The following NLGN4X variants were observed in gnomAD, a reference collection of about 807,000 sequenced individuals.
NLGN4X encodes the protein neuroligin 4 X-linked, also known as neuroligin-4, X-linked.
A neutral mutation model predicts 40.3 loss-of-function variants in NLGN4X; 3 were observed. That is an observed-to-expected ratio of 0.07 (90% confidence interval 0.03 to 0.19). NLGN4X has a LOEUF of 0.19. NLGN4X is among the 10% of genes least tolerant of loss of function. The probability of loss-of-function intolerance (pLI) is 1.00; values close to 1 mark genes in which losing one functional copy is unlikely to be tolerated. For missense variants in NLGN4X, 382 were observed against 708.3 expected, an observed-to-expected ratio of 0.54 and a Z score of 5.23; for synonymous variants, 270 against 306.8, an observed-to-expected ratio of 0.88 and a Z score of 1.25.
At chrX:6,220,934 C>T (rs1033858720) in intron 1 of NLGN4X, among the ~76,000 whole-genome samples, 5 of 109,237 alleles carry the variant, frequency 4.6e-5, no homozygotes, top group Admixed American at 9.7e-5. Flanking sequence ...GACAGGATTT[C>T]GCCATGTTGG....
At chrX:6,012,005 C>A (rs1012240264) in intron 3 of NLGN4X, among the ~76,000 whole-genome samples, 33 of 111,637 alleles carry the variant, frequency 3.0e-4, no homozygotes, top group African/African-American at 1.0e-3. Flanking sequence ...TTGAATAAGA[C>A]CCTTTTTTAA....
At chrX:6,112,985 CAGT>C (rs2039188366) in intron 2 of NLGN4X, among the ~76,000 whole-genome samples, 1 of 110,422 alleles carries the variant, frequency 9.1e-6, no homozygotes, top group African/African-American at 3.3e-5. Context: ...CATAGCCCCC[CAGT>C]ATAACCATGA....
chrX:6,200,687 C>CTTTTTTTTTTTCTTTTTTTTTTTTTTT (rs1556005144), intron 1 of NLGN4X, among the ~76,000 whole-genome samples: 3 of 55,575 alleles, frequency 5.4e-5, no homozygotes, highest in Admixed American at 2.4e-4. Context: ...CTTTCCTTTT[C>CTTTTTTTTTTTCTTTTTTTTTTTTTTT]TTTTTTTTTT....
rs1341423901 is a variant in NLGN4X, at chrX:5,901,920, C to G, written c.1601+1157G>C. ...TACTATATTATACAAATAGGAATAT[C>G]TATATTTTTATATAGACATTAAATA... is the stretch of plus-strand genomic sequence containing the variant. On this transcript the variant is annotated intron_variant, in intron 5 of 5. Transcript: ENST00000381095. Among the ~76,000 whole-genome samples, 3 of 106,324 alleles carry G rather than the reference C, an allele frequency of 2.8e-5. No individual in the cohort carries two copies. The East Asian group carries it at 8.7e-4, about 31-fold the overall frequency. The allele number at this position is 106,324 out of a possible 115,157, so 92.3% of individuals were successfully genotyped here.
intron 1 of NLGN4X, among the ~76,000 whole-genome samples, chrX:6,228,055 C>A (rs1232315908): frequency 9.1e-6 from 1 of 110,086 alleles, no homozygotes; most frequent in Non-Finnish European, 1.9e-5. Context: ...CCAGCCCTGG[C>A]CGCTTCTCTC....
intron 3 of NLGN4X, among the ~76,000 whole-genome samples, chrX:5,997,601 CATATATAT>C (rs369925416): frequency 1.1e-5 from 1 of 90,812 alleles, no homozygotes; most frequent in East Asian, 3.4e-4. Flanking sequence ...TATATATACA[CATATATAT>C]ATACACATAT....
intron 5 of NLGN4X, among the ~76,000 whole-genome samples, chrX:5,900,560 CT>C (rs1163973694): frequency 0.29 from 13,248 of 45,167 alleles, 2,035 homozygotes; most frequent in African/African-American, 0.35. Context: ...GTTTTTGGTG[CT>C]TTTTTTTTTT....
At chrX:6,021,735 TTTTG>T (rs1411697746) in intron 3 of NLGN4X, among the ~76,000 whole-genome samples, 4 of 106,488 alleles carry the variant, frequency 3.8e-5, no homozygotes, top group South Asian at 3.9e-4. Context: ...TGTTGTGTTT[TTTTG>T]TTTGTTTTTT....
rs183012966 is a variant in NLGN4X at position 6,019,349 on chromosome X, G to A, written c.625+9931C>T. ...GCTGCAGGCCAGAATATGTGTAGTAGTCTTACATTTTTTTAAACTTTATGG... is the reference window on the plus strand; with the variant it reads ...GCTGCAGGCCAGAATATGTGTAGTAATCTTACATTTTTTTAAACTTTATGG... On this transcript the variant is annotated intron_variant, in intron 3 of 5. Transcript: ENST00000381095. Among the ~76,000 whole-genome samples, 150 of 111,883 alleles carry A rather than the reference G, an allele frequency of 1.3e-3. 1 individual carries two copies. The highest frequency in any genetic ancestry group is 4.2e-3 in the African/African-American group (130 of 30,853).
chrX:5,952,912 T>G (rs950202278), intron 3 of NLGN4X, among the ~76,000 whole-genome samples: 6 of 112,121 alleles, frequency 5.4e-5, no homozygotes, highest in Non-Finnish European at 9.4e-5. Context: ...AGCATCAATG[T>G]AACTTTCTCT....
At chrX:6,148,261 TTGC>T (rs1420158746) in intron 2 of NLGN4X, among the ~76,000 whole-genome samples, 2 of 111,934 alleles carry the variant, frequency 1.8e-5, no homozygotes, top group Non-Finnish European at 3.8e-5. Context: ...AAGTAGATTT[TTGC>T]TGTTGTTATT....
intron 3 of NLGN4X, among the ~76,000 whole-genome samples, chrX:6,025,872 C>A (rs1402904181): frequency 1.9e-5 from 2 of 105,079 alleles, no homozygotes; most frequent in Non-Finnish European, 3.9e-5. Flanking sequence ...CCACTGCCCT[C>A]CAGCCTGGGC....
chrX:6,211,000 T>C (rs1924557435), intron 1 of NLGN4X, among the ~76,000 whole-genome samples: 1 of 112,390 alleles, frequency 8.9e-6, no homozygotes, highest in Non-Finnish European at 1.9e-5. Flanking sequence ...ATGAATTACA[T>C]CATGCCATAA....
At chrX:6,096,760 T>C (rs1173230155) in intron 2 of NLGN4X, among the ~76,000 whole-genome samples, 1 of 111,857 alleles carries the variant, frequency 8.9e-6, no homozygotes, top group Non-Finnish European at 1.9e-5. Flanking sequence ...AACATGAGTA[T>C]CTTCTTAGCA....
At chrX:5,909,645 G>C (rs1355129462) in intron 3 of NLGN4X, among the ~76,000 whole-genome samples, 1 of 104,679 alleles carries the variant, frequency 9.6e-6, no homozygotes, top group Non-Finnish European at 2.0e-5. Context: ...CAGTACGTGT[G>C]TGGGGGGGGG....
chrX:6,071,920 C>T (rs749443299), intron 2 of NLGN4X, among the ~76,000 whole-genome samples: 5 of 110,985 alleles, frequency 4.5e-5, no homozygotes, highest in South Asian at 3.9e-4. Flanking sequence ...TGGAGTGCTA[C>T]GACTACAGGT....
At chrX:6,137,890 A>G (rs2039854714) in intron 2 of NLGN4X, among the ~76,000 whole-genome samples, 1 of 112,041 alleles carries the variant, frequency 8.9e-6, no homozygotes, top group Non-Finnish European at 1.9e-5. Context: ...TGCTTTCTCA[A>G]AACTATAAAC....
intron 3 of NLGN4X, among the ~76,000 whole-genome samples, chrX:5,937,969 T>C (rs2033787537): frequency 8.9e-6 from 1 of 112,042 alleles, no homozygotes; most frequent in South Asian, 3.7e-4. Context: ...ACACCACATC[T>C]ACCCTACGGG....
chrX:6,005,073 CATAAG>C (rs918670687), intron 3 of NLGN4X, among the ~76,000 whole-genome samples: 10 of 112,349 alleles, frequency 8.9e-5, no homozygotes, highest in African/African-American at 1.9e-4. Context: ...ATCCTGATAT[CATAAG>C]ATAAGTGCTT....
Sources: gnomAD v4.1 joint callset for allele counts (sites outside exome capture counted in the v4.1 genomes callset) on GRCh38, gnomAD v4.1.1 for gene constraint, MANE v1.5 for transcripts, NCBI Gene and HGNC (gene_info 2026-07-23, HGNC 2026-07-21) for gene names.